SLC51A: variants seen among roughly 807,000 people sequenced by gnomAD.
SLC51A encodes organic solute transporter subunit alpha.
Under a neutral mutation model 34.8 loss-of-function variants are expected in SLC51A, and 22 were observed. That is an observed-to-expected ratio of 0.63 (90% CI 0.45 to 0.90). The LOEUF is 0.90. Among genes scored for constraint, SLC51A ranks in the 40% least tolerant of loss-of-function variants. The pLI is 0.00. For missense variants in SLC51A, 371 were observed against 414.8 expected, an observed-to-expected ratio of 0.89 and a Z score of 0.92; for synonymous variants, 181 against 176.3, an observed-to-expected ratio of 1.03 and a Z score of -0.21.
chr3:196,226,172 G>T (rs1479756625), intron 2 of SLC51A, among the ~76,000 whole-genome samples: 1 of 152,076 alleles, frequency 6.6e-6, no homozygotes, highest in Non-Finnish European at 1.5e-5. Context: ...TTAAAAATTA[G>T]CCGGCCGTGG....
chr3:196,216,663 C>T lies in SLC51A; in HGVS notation c.-50C>T. On this transcript the variant is annotated 5_prime_UTR_variant, in exon 1 of 9. Coordinates refer to ENST00000296327, the MANE Select transcript of SLC51A (RefSeq NM_152672.6). The surrounding 1 kb of genome is among the most constrained non-coding windows in gnomAD (Gnocchi z 4.5). The stretch of plus-strand genomic sequence containing the variant: ...CCCGGCCCCCACCTGCCCGCCCCGC[C>T]TGCCCTTCCTCACCCCGGTGCCTGC... 6.5e-7 allele frequency: 1 copy of T among 1,547,572 alleles called. No individual in the cohort carries two copies. The highest frequency in any genetic ancestry group is 8.7e-7 in the Non-Finnish European group (1 of 1,145,444).
Position 196,228,891 on chromosome 3 carries a change from G to C in SLC51A, c.604G>C (p.Val202Leu). 3 of 1,613,720 alleles carry C rather than the reference G, an allele frequency of 1.9e-6. No individual in the cohort carries two copies. Among genetic ancestry groups the C allele is most frequent in the Non-Finnish European group, 2.5e-6 (3 of 1,179,842 alleles). The stretch of plus-strand genomic sequence containing the variant: ...GCTGACCCTGGTGGGCCTGTTTCTC[G>C]TCCCCGACGGCATCTATGACCCAGC... ...ITLTLVGLFL[V>L]PDGIYDPADI... Residue 202 changes from valine to leucine, a missense_variant, in exon 6 of 9, where the codon GTC becomes CTC. Physicochemically the swap from Val to Leu is conservative, Grantham distance 32. Coordinates refer to ENST00000296327, the MANE Select transcript of SLC51A (RefSeq NM_152672.6). This position sits in a 1 kb window ranked among gnomAD's most constrained non-coding sequence, Gnocchi z 4.9.
chr3:196,231,662 A>G (rs1017132639), intron 7 of SLC51A, among the ~76,000 whole-genome samples: 1 of 152,160 alleles, frequency 6.6e-6, no homozygotes, highest in African/African-American at 2.4e-5. Flanking sequence ...CCGAAAGATA[A>G]AAGCCGTGTG....
intron 2 of SLC51A, among the ~76,000 whole-genome samples, chr3:196,222,004 C>T (rs552992736): frequency 2.6e-5 from 4 of 152,216 alleles, no homozygotes; most frequent in South Asian, 4.1e-4. Flanking sequence ...AGGCGTGAGC[C>T]CCCCCGCCCG....
intron 7 of SLC51A, among the ~76,000 whole-genome samples, chr3:196,230,819 T>G (rs1014836291): frequency 6.6e-6 from 1 of 152,204 alleles, no homozygotes. Flanking sequence ...TCAAATTGGA[T>G]TAAGGGCCCA....
At chr3:196,229,155 G>A (rs2108756573) in intron 6 of SLC51A, among the ~76,000 whole-genome samples, 1 of 152,290 alleles carries the variant, frequency 6.6e-6, no homozygotes, top group African/African-American at 2.4e-5. Context: ...CAGGTGCCAT[G>A]ATGCATGGCT....
chr3:196,221,440 A>G (rs1723753793), intron 2 of SLC51A, among the ~76,000 whole-genome samples: 1 of 150,652 alleles, frequency 6.6e-6, no homozygotes, highest in Admixed American at 6.6e-5. Flanking sequence ...GCTAACTTTC[A>G]ATTTTTGTAG....
At position 196,219,882 on chromosome 3, in the gene SLC51A, G is replaced by GA. The variant is rs199735066; in HGVS notation, c.133+1950dup. ...GTTGAGAAACCTTGCCTCACGCAATGAAAACGGTTCTCACATTGCTTTGCT... is the reference window on the plus strand; with the variant it reads ...GTTGAGAAACCTTGCCTCACGCAATGAAAAACGGTTCTCACATTGCTTTGCT... On this transcript the variant is annotated intron_variant, in intron 2 of 8. Transcript: ENST00000296327. Among the ~76,000 whole-genome samples, 1,075 of 152,380 alleles carry GA rather than the reference G, an allele frequency of 7.1e-3. 15 individuals carry two copies. Among genetic ancestry groups the GA allele is most frequent in the African/African-American group, 0.025 (1,031 of 41,582 alleles).
At chr3:196,218,456 T>C (rs1394889909) in intron 2 of SLC51A, among the ~76,000 whole-genome samples, 1 of 152,216 alleles carries the variant, frequency 6.6e-6, no homozygotes, top group Non-Finnish European at 1.5e-5. Context: ...GGTTTTTGTG[T>C]GTGTGTTTGT....
At position 196,216,684 on chromosome 3, in the gene SLC51A, C is replaced by T. The variant is rs1383738414; in HGVS notation, c.-29C>T. 6.4e-7 allele frequency: 1 copy of T among 1,553,926 alleles called. No homozygotes were observed. Among genetic ancestry groups the T allele is most frequent in the Middle Eastern group, 1.7e-4 (1 of 5,908 alleles). On this transcript the variant is annotated 5_prime_UTR_variant, in exon 1 of 9. Coordinates refer to ENST00000296327, the MANE Select transcript of SLC51A (RefSeq NM_152672.6). This position sits in a 1 kb window ranked among gnomAD's most constrained non-coding sequence, Gnocchi z 4.5. Reference sequence around the variant, plus strand: ...CCGCCTGCCCTTCCTCACCCCGGTGCCTGCGGGATTGCTGGAGAGAACGCG... The same window carrying T: ...CCGCCTGCCCTTCCTCACCCCGGTGTCTGCGGGATTGCTGGAGAGAACGCG...
At chr3:196,225,225 C>A (rs1439129072) in intron 2 of SLC51A, among the ~76,000 whole-genome samples, 1 of 152,114 alleles carries the variant, frequency 6.6e-6, no homozygotes, top group East Asian at 1.9e-4. Context: ...CCGCCCACCT[C>A]AGCTTCCCAA....
At position 196,232,529 on chromosome 3, in the gene SLC51A, G is replaced by T. The variant is rs747206107; in HGVS notation, c.886+5G>T. On this transcript the variant is annotated splice_donor_5th_base_variant and intron_variant, in intron 8 of 8. Transcript: ENST00000296327. ...CCTCTAAAACCAGGTCTCAAGGTGA[G>T]CACGTTAAGCCTCCTGTCCCATCGT... The T allele has an allele frequency of 6.2e-7, 1 of 1,608,662 alleles. No homozygotes were observed. The highest frequency in any genetic ancestry group is 8.5e-7 in the Non-Finnish European group (1 of 1,174,978).
At chr3:196,230,633 T>TACC (rs1227128484) in intron 7 of SLC51A, among the ~76,000 whole-genome samples, 1 of 151,994 alleles carries the variant, frequency 6.6e-6, no homozygotes, top group Non-Finnish European at 1.5e-5. Flanking sequence ...TACAGGCATG[T>TACC]ACCACCACGC....
intron 3 of SLC51A, 112 bp from the exon 4 acceptor site, chr3:196,227,552 G>A (rs1365301121): frequency 1.1e-6 from 1 of 888,554 alleles, no homozygotes; most frequent in Admixed American, 1.9e-5. Flanking sequence ...CAACGTTTAA[G>A]GAACGCTGCC....
chr3:196,223,750 AGAAAG>A, intron 2 of SLC51A: 2 of 157,166 alleles, frequency 1.3e-5, no homozygotes, highest in Non-Finnish European at 2.8e-5. Flanking sequence ...AAAAAAAAAA[AGAAAG>A]AAAGAAAATA....
chr3:196,231,626 G>A (rs2108757494), intron 7 of SLC51A, among the ~76,000 whole-genome samples: 1 of 152,306 alleles, frequency 6.6e-6, no homozygotes, highest in South Asian at 2.1e-4. Flanking sequence ...GAAAGGTTCT[G>A]GGTCCCAGAA....
At position 196,227,302 on chromosome 3, in the gene SLC51A, T is replaced by C. The variant is rs144777514; in HGVS notation, c.288+183T>C. Reference sequence around the variant, plus strand: ...ATCCTCTGCTTGGAAGGCTGTGCAGTGTTTGCATTCTAAGGGCTGCGGAGA... The same window carrying C: ...ATCCTCTGCTTGGAAGGCTGTGCAGCGTTTGCATTCTAAGGGCTGCGGAGA... On this transcript the variant is annotated intron_variant, in intron 3 of 8. Transcript: ENST00000296327. 2,305 of 645,722 alleles carry C rather than the reference T, an allele frequency of 3.6e-3. 39 individuals are homozygous for C. Among genetic ancestry groups the C allele is most frequent in the African/African-American group, 0.035 (1,930 of 54,846 alleles). The allele number at this position is 645,722 out of a possible 1,614,324, so 40.0% of individuals were successfully genotyped here.
chr3:196,223,262 A>G (rs1723810118), intron 2 of SLC51A, among the ~76,000 whole-genome samples: 1 of 151,846 alleles, frequency 6.6e-6, no homozygotes, highest in Non-Finnish European at 1.5e-5. Flanking sequence ...CTCATAGGTT[A>G]TTTCTTTCAT....
intron 2 of SLC51A, among the ~76,000 whole-genome samples, chr3:196,222,042 G>A (rs1056349856): frequency 6.6e-6 from 1 of 152,028 alleles, no homozygotes; most frequent in Non-Finnish European, 1.5e-5. Flanking sequence ...GAACTCAAGT[G>A]TCTGACTCCA....
Sources: allele counts gnomAD v4.1 joint callset (sites outside exome capture counted in the v4.1 genomes callset), GRCh38; gene constraint gnomAD v4.1.1; non-coding constraint Gnocchi (gnomAD v3.1); transcripts MANE v1.5; gene names NCBI Gene and HGNC (gene_info 2026-07-23, HGNC 2026-07-21).